Variants in TMEM196 observed in about 807,000 individuals in gnomAD.
TMEM196 encodes the protein transmembrane protein 196.
TMEM196 carries 17 observed loss-of-function variants against 20.0 expected under a neutral mutation model. The observed-to-expected ratio is 0.85, with a 90% confidence interval of 0.58 to 1.27. TMEM196 has a LOEUF of 1.27. Among genes scored for constraint, TMEM196 ranks in the 50% most tolerant of loss-of-function variants. The pLI is 0.00. For missense variants in TMEM196, 267 were observed against 223.0 expected (o/e 1.20, Z -1.26); for synonymous variants, 113 against 88.9 (o/e 1.27, Z -1.52).
intron 1 of TMEM196, among the ~76,000 whole-genome samples, chr7:19,749,581 G>C (rs1201092410): frequency 6.6e-6 from 1 of 151,968 alleles, no homozygotes; most frequent in Non-Finnish European, 1.5e-5. Context: ...ATGATGTTAT[G>C]GGATACATAT....
intron 1 of TMEM196, among the ~76,000 whole-genome samples, chr7:19,767,426 A>T (rs1785679795): frequency 6.6e-6 from 1 of 152,060 alleles, no homozygotes; most frequent in African/African-American, 2.4e-5. Context: ...TAAGAAAGAG[A>T]TTCTTTACCT....
chr7:19,737,204 A>G (rs1173207448), intron 1 of TMEM196, among the ~76,000 whole-genome samples: 1 of 152,078 alleles, frequency 6.6e-6, no homozygotes, highest in Non-Finnish European at 1.5e-5. Flanking sequence ...GCAAATAAAC[A>G]TAAAAAAGAT....
intron 1 of TMEM196, among the ~76,000 whole-genome samples, chr7:19,748,613 G>A (rs1784849979): frequency 6.6e-6 from 1 of 152,150 alleles, no homozygotes; most frequent in Non-Finnish European, 1.5e-5. Context: ...CTATGCCTAA[G>A]GGAAGACATG....
chr7:19,729,170 T>A (rs1784104617), intron 2 of TMEM196, among the ~76,000 whole-genome samples: 1 of 152,152 alleles, frequency 6.6e-6, no homozygotes, highest in African/African-American at 2.4e-5. Flanking sequence ...TTATTAAAGT[T>A]TTTTTACATC....
intron 1 of TMEM196, among the ~76,000 whole-genome samples, chr7:19,765,876 C>G (rs2128039706): frequency 6.6e-6 from 1 of 152,018 alleles, no homozygotes; most frequent in Non-Finnish European, 1.5e-5. Context: ...ACAACGAAAA[C>G]AAAAAGAATG....
intron 1 of TMEM196, among the ~76,000 whole-genome samples, chr7:19,751,562 T>C (rs918953709): frequency 1.3e-5 from 2 of 152,236 alleles, no homozygotes; most frequent in Non-Finnish European, 2.9e-5. Context: ...CTCCTGCAGG[T>C]ATGCTGATAC....
chr7:19,730,356 C>T lies in TMEM196; in HGVS notation c.148-918G>A, dbSNP rs147103748. ...TGTTGACATAATTGCTTTGCAAAGG[C>T]AGTCACATCAGATTATCTACCAAGG... On this transcript the variant is annotated intron_variant, in intron 1 of 4. Transcript: ENST00000405844. 5.9e-5 allele frequency among the ~76,000 whole-genome samples: 9 copies of T among 152,040 alleles called. 1 individual carries two copies. Among genetic ancestry groups the T allele is most frequent in the African/African-American group, 2.2e-4 (9 of 41,482 alleles).
chr7:19,750,045 T>A (rs910433405), intron 1 of TMEM196, among the ~76,000 whole-genome samples: 5 of 152,198 alleles, frequency 3.3e-5, no homozygotes, highest in African/African-American at 1.2e-4. Context: ...ACCCAGCATG[T>A]CTACCCATTG....
chr7:19,768,811 A>C (rs1754832278), intron 1 of TMEM196, among the ~76,000 whole-genome samples: 1 of 152,150 alleles, frequency 6.6e-6, no homozygotes, highest in African/African-American at 2.4e-5. Flanking sequence ...CACAGGAAGC[A>C]TCCCTGCCTG....
chr7:19,750,057 C>T (rs1784902946), intron 1 of TMEM196, among the ~76,000 whole-genome samples: 1 of 152,186 alleles, frequency 6.6e-6, no homozygotes, highest in Admixed American at 6.5e-5. Flanking sequence ...TACCCATTGT[C>T]TACACATTAA....
chr7:19,725,550 C>T lies in TMEM196; in HGVS notation c.423G>A (p.Glu141=). Residue 141 remains glutamate, a synonymous_variant, in exon 3 of 5, where the codon GAG becomes GAA. Coordinates refer to ENST00000405844, the MANE Select transcript of TMEM196 (RefSeq NM_001363562.2). ...YEQRRMFSER[E]HSLHHSHEMA... ...TTTCATGAGAGTGATGCAGGGAATG[C>T]TCCCTTTCTGAGAACATCCTCCTCT... The T allele has an allele frequency of 6.2e-7, 1 of 1,613,304 alleles. No individual in the cohort carries two copies. Among genetic ancestry groups the T allele is most frequent in the East Asian group, 2.2e-5 (1 of 44,844 alleles).
chr7:19,737,402 T>C (rs886716847), intron 1 of TMEM196, among the ~76,000 whole-genome samples: 1 of 152,020 alleles, frequency 6.6e-6, no homozygotes, highest in African/African-American at 2.4e-5. Flanking sequence ...TAAAACAAGA[T>C]GGCAGTTTCT....
intron 1 of TMEM196, among the ~76,000 whole-genome samples, chr7:19,743,773 C>T (rs895328958): frequency 3.3e-5 from 5 of 152,090 alleles, no homozygotes; most frequent in African/African-American, 1.2e-4. Context: ...TACATCTTTC[C>T]AGTACCTGGT....
intron 1 of TMEM196, among the ~76,000 whole-genome samples, chr7:19,754,117 C>T (rs144431708): frequency 6.6e-6 from 1 of 152,284 alleles, no homozygotes. Flanking sequence ...CATGGCTCTC[C>T]CATTTTCTGG....
chr7:19,721,096 T>C lies in TMEM196; in HGVS notation c.*1032A>G, dbSNP rs970623849. ...TATACTACACTATTCAGATCACTCATCTTCATAAATATCACCCACAATGAT... is the reference window on the plus strand; with the variant it reads ...TATACTACACTATTCAGATCACTCACCTTCATAAATATCACCCACAATGAT... On this transcript the variant is annotated 3_prime_UTR_variant, in exon 5 of 5. Coordinates refer to ENST00000405844, the MANE Select transcript of TMEM196 (RefSeq NM_001363562.2). The C allele has an allele frequency of 6.6e-6, 1 of 151,922 alleles. No homozygotes were observed. The highest frequency in any genetic ancestry group is 1.5e-5 in the Non-Finnish European group (1 of 67,806). The allele number at this position is 151,922 out of a possible 1,614,324, so 9.4% of individuals were successfully genotyped here.
chr7:19,729,342 A>G (rs1784114434), intron 2 of TMEM196, 40 bp downstream of exon 2: 3 of 1,524,026 alleles, frequency 2.0e-6, no homozygotes, highest in Admixed American at 2.1e-5. Context: ...TTTACGTTTC[A>G]TACACCTCAA....
At chr7:19,737,947 G>A (rs1345448929) in intron 1 of TMEM196, among the ~76,000 whole-genome samples, 1 of 151,762 alleles carries the variant, frequency 6.6e-6, no homozygotes, top group Non-Finnish European at 1.5e-5. Context: ...AAATTAGGGG[G>A]TTAGGGAATC....
intron 1 of TMEM196, among the ~76,000 whole-genome samples, chr7:19,754,495 T>C (rs192577634): frequency 2.6e-5 from 4 of 152,318 alleles, no homozygotes; most frequent in Admixed American, 2.6e-4. Context: ...CTCTAATCAG[T>C]AGAATACAGA....
intron 1 of TMEM196, among the ~76,000 whole-genome samples, chr7:19,761,468 C>G (rs1656811505): frequency 6.6e-6 from 1 of 151,964 alleles, no homozygotes; most frequent in Non-Finnish European, 1.5e-5. Flanking sequence ...ACCTCTCACA[C>G]ATGTAATCAA....
Sources: gnomAD v4.1 joint callset for allele counts (sites outside exome capture counted in the v4.1 genomes callset) on GRCh38, gnomAD v4.1.1 for gene constraint, MANE v1.5 for transcripts, NCBI Gene and HGNC (gene_info 2026-07-23, HGNC 2026-07-21) for gene names.